ARHGEF3: variants seen among roughly 807,000 people sequenced by gnomAD.
ARHGEF3 encodes the protein Rho guanine nucleotide exchange factor 3.
In ARHGEF3, 28 loss-of-function variants were observed where a neutral mutation model predicts 63.2. The observed-to-expected ratio is 0.44, with a 90% CI of 0.33 to 0.61. The LOEUF is 0.61. Ranked by LOEUF, ARHGEF3 falls within the 20% of genes least tolerant of loss-of-function variation. The pLI is 0.03. For missense variants in ARHGEF3, 533 were observed against 659.3 expected, an observed-to-expected ratio of 0.81 and a Z score of 2.10; for synonymous variants, 266 against 254.2, an observed-to-expected ratio of 1.05 and a Z score of -0.44.
At chr3:57,070,095 G>C (rs1705801151) in intron 1 of ARHGEF3, among the ~76,000 whole-genome samples, 1 of 152,204 alleles carries the variant, frequency 6.6e-6, no homozygotes, top group Admixed American at 6.5e-5. Flanking sequence ...TTGCCCAACA[G>C]ATAAAACAAG....
At chr3:56,914,272 T>C (rs968622458) in intron 3 of ARHGEF3, among the ~76,000 whole-genome samples, 19 of 152,140 alleles carry the variant, frequency 1.2e-4, no homozygotes, top group African/African-American at 4.1e-4. Flanking sequence ...TAATGACTTA[T>C]GGGAAAAAAA....
chr3:56,929,208 C>A (rs1349058418), intron 3 of ARHGEF3, among the ~76,000 whole-genome samples: 1 of 152,168 alleles, frequency 6.6e-6, no homozygotes. Context: ...ACTGTGGCCT[C>A]TTCTACTCAT....
chr3:56,921,058 A>AG (rs2042122634), intron 3 of ARHGEF3, among the ~76,000 whole-genome samples: 1 of 108,826 alleles, frequency 9.2e-6, no homozygotes, highest in East Asian at 3.7e-4. Context: ...CCATCTCAAA[A>AG]AAAAAAAAAA....
chr3:56,946,290 C>T (rs1215872945), intron 3 of ARHGEF3, among the ~76,000 whole-genome samples: 3 of 152,202 alleles, frequency 2.0e-5, no homozygotes, highest in African/African-American at 4.8e-5. Flanking sequence ...ATGACTTTGA[C>T]GAGTTGAGAG....
chr3:57,059,921 G>C (rs756529335), intron 1 of ARHGEF3, among the ~76,000 whole-genome samples: 3 of 152,096 alleles, frequency 2.0e-5, no homozygotes, highest in African/African-American at 7.2e-5. Context: ...GCTTGAACCT[G>C]GGAAGCAGAG....
chr3:56,890,013 G>A (rs1367583089), intron 3 of ARHGEF3, among the ~76,000 whole-genome samples: 1 of 152,154 alleles, frequency 6.6e-6, no homozygotes, highest in African/African-American at 2.4e-5. Context: ...AGTGAGCCAA[G>A]GTCGCACCAC....
chr3:56,875,469 A>G (rs2040555634), intron 4 of ARHGEF3, among the ~76,000 whole-genome samples: 1 of 152,160 alleles, frequency 6.6e-6, no homozygotes, highest in African/African-American at 2.4e-5. Context: ...GACACTATGT[A>G]TTTGCTTTGA....
intron 2 of ARHGEF3, among the ~76,000 whole-genome samples, chr3:56,979,437 G>A (rs1444300909): frequency 1.3e-5 from 2 of 152,314 alleles, no homozygotes; most frequent in African/African-American, 4.8e-5. Context: ...CCAAGCCAGG[G>A]GCAGAGGCAT....
intron 4 of ARHGEF3, among the ~76,000 whole-genome samples, chr3:56,864,310 A>G (rs2108201603): frequency 6.6e-6 from 1 of 152,340 alleles, no homozygotes; most frequent in South Asian, 2.1e-4. Context: ...CCTTCAAAGC[A>G]GCATGTTCCA....
intron 4 of ARHGEF3, among the ~76,000 whole-genome samples, chr3:56,846,726 T>G (rs1328478548): frequency 6.6e-6 from 1 of 152,142 alleles, no homozygotes; most frequent in Non-Finnish European, 1.5e-5. Flanking sequence ...TTACCCCTCC[T>G]CAGACCCAGC....
chr3:56,764,543 CT>C (rs2035597418), intron 2 of ARHGEF3, among the ~76,000 whole-genome samples: 2 of 152,122 alleles, frequency 1.3e-5, no homozygotes, highest in Non-Finnish European at 2.9e-5. Context: ...AGCTCTGGCA[CT>C]TACCAGCTGT....
chr3:56,895,919 T>C (rs1344141057), intron 3 of ARHGEF3, among the ~76,000 whole-genome samples: 1 of 152,238 alleles, frequency 6.6e-6, no homozygotes, highest in Non-Finnish European at 1.5e-5. Context: ...GAGCTATTTT[T>C]GATTAAATAA....
intron 1 of ARHGEF3, among the ~76,000 whole-genome samples, chr3:56,792,816 C>CT (rs1368785407): frequency 7.3e-6 from 1 of 137,744 alleles, no homozygotes; most frequent in African/African-American, 3.2e-5. Context: ...TTTTCTTTTT[C>CT]TTATTTTTTT....
chr3:56,855,318 T>G (rs185235088), intron 4 of ARHGEF3, among the ~76,000 whole-genome samples: 1 of 152,282 alleles, frequency 6.6e-6, no homozygotes, highest in East Asian at 1.9e-4. Flanking sequence ...GAGCAGGAAT[T>G]CAAATACACG....
chr3:56,769,433 C>T (rs2035890236), intron 2 of ARHGEF3, among the ~76,000 whole-genome samples: 1 of 152,258 alleles, frequency 6.6e-6, no homozygotes, highest in African/African-American at 2.4e-5. Flanking sequence ...GCAGTGCTAA[C>T]CTTCCTGGTG....
At chr3:56,845,629 T>C (rs1345590649) in intron 4 of ARHGEF3, among the ~76,000 whole-genome samples, 1 of 152,198 alleles carries the variant, frequency 6.6e-6, no homozygotes, top group Non-Finnish European at 1.5e-5. Context: ...GCAAATTATC[T>C]CCCTGGGAGA....
At chr3:56,859,986 C>T (rs2040015141) in intron 4 of ARHGEF3, among the ~76,000 whole-genome samples, 1 of 151,868 alleles carries the variant, frequency 6.6e-6, no homozygotes, top group Non-Finnish European at 1.5e-5. Flanking sequence ...CATGGCGAAA[C>T]CCTGTCTCTA....
intron 2 of ARHGEF3, 28 bp from the exon 3 acceptor site, chr3:56,755,179 CG>C (rs2034995655): frequency 1.2e-6 from 2 of 1,607,374 alleles, no homozygotes; most frequent in African/African-American, 1.3e-5. Flanking sequence ...CAAACCATCA[CG>C]GGGGCAGCGG....
intron 6 of ARHGEF3, among the ~76,000 whole-genome samples, chr3:56,748,089 C>G (rs751217955): frequency 1.3e-5 from 2 of 152,180 alleles, no homozygotes; most frequent in Non-Finnish European, 2.9e-5. Context: ...AGGTGGAGAG[C>G]AGTGGCATGA....
Sources: allele counts gnomAD v4.1 joint callset (sites outside exome capture counted in the v4.1 genomes callset), GRCh38; gene constraint gnomAD v4.1.1; transcripts MANE v1.5; gene names NCBI Gene and HGNC (gene_info 2026-07-23, HGNC 2026-07-21).